The following CCDC88C variants were observed in gnomAD, a reference collection of about 807,000 sequenced individuals.
CCDC88C encodes coiled-coil and HOOK domain protein 88C, also known as protein Daple.
A neutral mutation model predicts 198.8 loss-of-function variants in CCDC88C; 131 were observed. That is an observed-to-expected ratio of 0.66 (90% confidence interval 0.57 to 0.76). The LOEUF is 0.76. Among genes scored for constraint, CCDC88C ranks in the 30% least tolerant of loss-of-function variants. The pLI, the probability that CCDC88C is intolerant of heterozygous loss-of-function variation, is 0.00. For synonymous variants in CCDC88C, 1,166 were observed against 1,114.7 expected, an observed-to-expected ratio of 1.05 and a Z score of -0.92; for missense variants, 2,553 against 2,631.6, an observed-to-expected ratio of 0.97 and a Z score of 0.65.
At position 91,365,736 on chromosome 14, in the gene CCDC88C, C is replaced by T. The variant is rs372405814; in HGVS notation, c.271-6025G>A. Among the ~76,000 whole-genome samples, 29 of 152,240 alleles carry T rather than the reference C, an allele frequency of 1.9e-4. No homozygotes were observed. The South Asian group carries it at 6.0e-3, about 32-fold the overall frequency. On this transcript the variant is annotated intron_variant, in intron 3 of 29. Transcript: ENST00000389857. ...AACCATCTACTATGCAATCTGTCAA[C>T]CACAGACTATTAAAGGCCCAAATCC...
At chr14:91,285,054 A>G (rs1283885151) in intron 25 of CCDC88C, among the ~76,000 whole-genome samples, 2 of 152,202 alleles carry the variant, frequency 1.3e-5, no homozygotes, top group Non-Finnish European at 1.5e-5. Flanking sequence ...ACCACAGCAC[A>G]GTCATAAAAC....
intron 2 of CCDC88C, 54 bp from the exon 3 acceptor site, chr14:91,408,821 T>G: frequency 8.5e-7 from 1 of 1,182,714 alleles, no homozygotes; most frequent in Non-Finnish European, 1.3e-6. Flanking sequence ...CTGCCACACT[T>G]CCTTTCCCAG....
rs547153425 is a variant in CCDC88C at position 91,307,247 on chromosome 14, A to C, written c.3007-21T>G. 4 of 1,610,470 alleles carry C rather than the reference A, an allele frequency of 2.5e-6. No individual in the cohort carries two copies. In the African/African-American group the frequency reaches 4.0e-5, roughly 16 times the overall value. On this transcript the variant is annotated intron_variant, in intron 17 of 29. Transcript: ENST00000389857. ...TTTAGCTACAGGTGTGACAATAAGC[A>C]AGGAGGCTTTAGGCGGAAGCAGCCT...
intron 4 of CCDC88C, among the ~76,000 whole-genome samples, chr14:91,354,703 C>T (rs1184999768): frequency 6.6e-6 from 1 of 152,098 alleles, no homozygotes; most frequent in Non-Finnish European, 1.5e-5. Context: ...GGTGGGCCCC[C>T]TGCATGGATG....
At chr14:91,345,042 C>T (rs1005443268) in intron 4 of CCDC88C, among the ~76,000 whole-genome samples, 8 of 151,492 alleles carry the variant, frequency 5.3e-5, no homozygotes, top group Non-Finnish European at 1.0e-4. Flanking sequence ...GATCCTCCTG[C>T]CTCAGCCTTC....
At chr14:91,320,567 C>A (rs1278567532) in intron 13 of CCDC88C, among the ~76,000 whole-genome samples, 1 of 152,206 alleles carries the variant, frequency 6.6e-6, no homozygotes, top group East Asian at 1.9e-4. Flanking sequence ...CTGCAGCCAG[C>A]CGATCAGAAG....
At chr14:91,306,719 G>C (rs949254868) in intron 18 of CCDC88C, among the ~76,000 whole-genome samples, 1 of 152,216 alleles carries the variant, frequency 6.6e-6, no homozygotes, top group African/African-American at 2.4e-5. Context: ...GGGCATGACT[G>C]TCTGCTAATA....
chr14:91,313,027 C>A lies in CCDC88C; in HGVS notation c.2736+53G>T. Reference sequence around the variant, plus strand: ...TCTCCTGAAACCATGCACCACAGAACCCACTACCACCATCTGCCAATCCCC... The same window carrying A: ...TCTCCTGAAACCATGCACCACAGAAACCACTACCACCATCTGCCAATCCCC... On this transcript the variant is annotated intron_variant, in intron 15 of 29. Transcript: ENST00000389857. This position sits in a 1 kb window ranked among gnomAD's most constrained non-coding sequence, Gnocchi z 5.2. 1.5e-6 allele frequency: 2 copies of A among 1,379,290 alleles called. No individual in the cohort carries two copies. The highest frequency in any genetic ancestry group is 2.0e-6 in the Non-Finnish European group (2 of 1,005,074). 85.4% of individuals were successfully genotyped at this position (1,379,290 alleles called of 1,614,324 possible). A position where few individuals can be genotyped will look rare whatever the true frequency, so the allele number is the denominator to read the frequency against.
At chr14:91,397,119 G>A (rs1036412717) in intron 3 of CCDC88C, among the ~76,000 whole-genome samples, 3 of 152,224 alleles carry the variant, frequency 2.0e-5, no homozygotes, top group African/African-American at 7.2e-5. Flanking sequence ...ACACCAATAG[G>A]GGAGGGAGAG....
chr14:91,385,100 G>A (rs899877643), intron 3 of CCDC88C, among the ~76,000 whole-genome samples: 4 of 152,116 alleles, frequency 2.6e-5, no homozygotes, highest in Admixed American at 1.3e-4. Flanking sequence ...GGTCCACCAG[G>A]ACACAGCACG....
intron 3 of CCDC88C, among the ~76,000 whole-genome samples, chr14:91,377,590 A>G (rs1232151068): frequency 6.6e-6 from 1 of 152,158 alleles, no homozygotes; most frequent in African/African-American, 2.4e-5. Context: ...TTTAACCCAC[A>G]GGATTCACAG....
chr14:91,307,032 A>G lies in CCDC88C; in HGVS notation c.3195+6T>C, dbSNP rs2139788894. The G allele has an allele frequency of 6.2e-7, 1 of 1,606,408 alleles. No individual in the cohort carries two copies. Among genetic ancestry groups the G allele is most frequent in the Non-Finnish European group, 8.5e-7 (1 of 1,175,510 alleles). On this transcript the variant is annotated splice_donor_region_variant and intron_variant, in intron 18 of 29. Transcript: ENST00000389857. ...CGATGGACCATGCCCAGGCCAGCCCACTCACATTCCGCTCCAGCTCGATGG... is the reference window on the plus strand; with the variant it reads ...CGATGGACCATGCCCAGGCCAGCCCGCTCACATTCCGCTCCAGCTCGATGG...
intron 3 of CCDC88C, among the ~76,000 whole-genome samples, chr14:91,398,901 C>CT (rs1371349500): frequency 6.6e-6 from 1 of 152,192 alleles, no homozygotes; most frequent in Non-Finnish European, 1.5e-5. Flanking sequence ...GCCCAGACGG[C>CT]TGTTCCTGCT....
chr14:91,338,916 C>A lies in CCDC88C; in HGVS notation c.810-346G>T. The A allele has an allele frequency of 2.1e-6, 1 of 475,638 alleles. No individual in the cohort carries two copies. The highest frequency in any genetic ancestry group is 3.9e-6 in the Non-Finnish European group (1 of 258,530). The allele number at this position is 475,638 out of a possible 1,614,324, so 29.5% of individuals were successfully genotyped here. ...CAGGAAACCTGGGAGAACAGGCTCA[C>A]CAGATTGGAGGGAAGGAGGGGCACC... On this transcript the variant is annotated intron_variant, in intron 8 of 29. Transcript: ENST00000389857. This position sits in a 1 kb window ranked among gnomAD's most constrained non-coding sequence, Gnocchi z 4.8.
At chr14:91,292,896 C>T (rs996318550) in intron 23 of CCDC88C, among the ~76,000 whole-genome samples, 5 of 152,170 alleles carry the variant, frequency 3.3e-5, no homozygotes, top group Non-Finnish European at 7.4e-5. Flanking sequence ...TCCAAAACAA[C>T]TCCAGGAATC....
At chr14:91,282,987 A>G (rs1389247463) in intron 26 of CCDC88C, among the ~76,000 whole-genome samples, 1 of 152,280 alleles carries the variant, frequency 6.6e-6, no homozygotes, top group Non-Finnish European at 1.5e-5. Context: ...TTACCAAGGT[A>G]GGGCAATGGC....
intron 22 of CCDC88C, among the ~76,000 whole-genome samples, chr14:91,294,534 C>T (rs1219091138): frequency 6.6e-6 from 1 of 152,230 alleles, no homozygotes; most frequent in East Asian, 1.9e-4. Flanking sequence ...TCCCTGGCAA[C>T]ATGGCTACTG....
At position 91,339,257 on chromosome 14, in the gene CCDC88C, G is replaced by A. The variant is rs566190209; in HGVS notation, c.809+21C>T. On this transcript the variant is annotated intron_variant, in intron 8 of 29. Transcript: ENST00000389857. This position sits in a 1 kb window ranked among gnomAD's most constrained non-coding sequence, Gnocchi z 5.8. ...ATGTCTGCAACACACACAAAGGTAG[G>A]AGAAGCAGCCGGGGACTCACAGCTC... The A allele has an allele frequency of 3.7e-6, 6 of 1,611,356 alleles. No homozygotes were observed. In the African/African-American group the frequency reaches 6.7e-5, roughly 18 times the overall value.
chr14:91,312,440 T>C (rs1205638900), intron 15 of CCDC88C, among the ~76,000 whole-genome samples: 2 of 152,014 alleles, frequency 1.3e-5, no homozygotes, highest in African/African-American at 2.4e-5. Flanking sequence ...CCCAGCACTT[T>C]GGGAGGCCGA....
Sources: gnomAD v4.1 joint callset for allele counts (sites outside exome capture counted in the v4.1 genomes callset) on GRCh38, gnomAD v4.1.1 for gene constraint, Gnocchi (gnomAD v3.1) non-coding constraint, MANE v1.5 for transcripts, NCBI Gene and HGNC (gene_info 2026-07-23, HGNC 2026-07-21) for gene names.